Variants in DPP10 observed in about 807,000 individuals in gnomAD.
The protein encoded by DPP10 is dipeptidyl peptidase like 10.
Under a neutral mutation model 120.9 loss-of-function variants are expected in DPP10, and 33 were observed. The ratio of observed to expected loss-of-function variants is 0.27; its 90% confidence interval spans 0.21 to 0.37. The LOEUF is 0.37. Among genes scored for constraint, DPP10 ranks in the 10% least tolerant of loss-of-function variants. DPP10 has a pLI of 1.00. For synonymous variants in DPP10, 337 were observed against 326.1 expected, an observed-to-expected ratio of 1.03 and a Z score of -0.36; for missense variants, 816 against 942.8, an observed-to-expected ratio of 0.87 and a Z score of 1.76.
At chr2:114,447,121 C>T (rs1300886876) in intron 1 of DPP10, among the ~76,000 whole-genome samples, 5 of 151,246 alleles carry the variant, frequency 3.3e-5, no homozygotes, top group African/African-American at 1.2e-4. Flanking sequence ...CTCAGCCTCC[C>T]GAGTAGCTGG....
At chr2:115,575,543 C>T (rs1443105186) in intron 5 of DPP10, among the ~76,000 whole-genome samples, 1 of 152,154 alleles carries the variant, frequency 6.6e-6, no homozygotes, top group Admixed American at 6.5e-5. Context: ...TCAGGAGGTG[C>T]TAGCTCTGGC....
chr2:114,661,110 T>C (rs1194932831), intron 1 of DPP10, among the ~76,000 whole-genome samples: 2 of 152,122 alleles, frequency 1.3e-5, no homozygotes, highest in African/African-American at 4.8e-5. Context: ...CTGCCCCAAA[T>C]GATATATGCT....
intron 1 of DPP10, among the ~76,000 whole-genome samples, chr2:114,767,383 C>T (rs886403605): frequency 6.7e-6 from 1 of 149,832 alleles, no homozygotes; most frequent in Non-Finnish European, 1.5e-5. Context: ...CTAACATAGA[C>T]CTAATTGATG....
At chr2:115,186,770 G>A (rs1559205979) in intron 1 of DPP10, among the ~76,000 whole-genome samples, 1 of 152,148 alleles carries the variant, frequency 6.6e-6, no homozygotes, top group Non-Finnish European at 1.5e-5. Flanking sequence ...GTCCTTGTAG[G>A]ATATTCACAG....
intron 1 of DPP10, among the ~76,000 whole-genome samples, chr2:115,261,118 C>T (rs1443836878): frequency 1.3e-5 from 2 of 152,074 alleles, no homozygotes; most frequent in East Asian, 1.9e-4. Context: ...GTCTCTGTGG[C>T]TGAAGAAAAA....
chr2:114,752,614 C>A (rs1488838361), intron 1 of DPP10, among the ~76,000 whole-genome samples: 1 of 152,186 alleles, frequency 6.6e-6, no homozygotes, highest in Non-Finnish European at 1.5e-5. Context: ...GAGCTTCTCA[C>A]TGTGCTCACA....
At chr2:115,752,291 A>G (rs960762130) in intron 10 of DPP10, among the ~76,000 whole-genome samples, 5 of 152,114 alleles carry the variant, frequency 3.3e-5, no homozygotes, top group Admixed American at 1.3e-4. Context: ...TTAAGTTTTT[A>G]TCATAAATGG....
At chr2:114,842,595 T>C (rs1574322885) in intron 1 of DPP10, among the ~76,000 whole-genome samples, 1 of 152,232 alleles carries the variant, frequency 6.6e-6, no homozygotes, top group East Asian at 1.9e-4. Flanking sequence ...GAATAATGTG[T>C]TTTCTCCAGT....
chr2:115,474,527 G>T (rs530859517), intron 3 of DPP10, among the ~76,000 whole-genome samples: 2 of 152,192 alleles, frequency 1.3e-5, no homozygotes, highest in African/African-American at 4.8e-5. Context: ...TGGATCTTTG[G>T]AACTTTGAAC....
At chr2:114,465,439 T>A (rs1679281682) in intron 1 of DPP10, among the ~76,000 whole-genome samples, 1 of 152,170 alleles carries the variant, frequency 6.6e-6, no homozygotes, top group Non-Finnish European at 1.5e-5. Flanking sequence ...TTCTATTCCA[T>A]CTACACTGAA....
chr2:114,976,176 T>G (rs1699745342), intron 1 of DPP10, among the ~76,000 whole-genome samples: 1 of 152,212 alleles, frequency 6.6e-6, no homozygotes, highest in Admixed American at 6.5e-5. Flanking sequence ...ACATATTTCA[T>G]TTTTACAGCA....
At chr2:115,197,158 C>T (rs1431195882) in intron 1 of DPP10, among the ~76,000 whole-genome samples, 1 of 151,988 alleles carries the variant, frequency 6.6e-6, no homozygotes, top group African/African-American at 2.4e-5. Context: ...CTTTGGGAGG[C>T]CGAGGAGGGC....
intron 21 of DPP10, among the ~76,000 whole-genome samples, chr2:115,818,199 CT>C (rs1174279139): frequency 2.6e-5 from 4 of 152,092 alleles, no homozygotes; most frequent in African/African-American, 7.2e-5. Context: ...GAATTTTTGT[CT>C]AGTTTCATAT....
chr2:115,381,751 T>G (rs1341447086), intron 3 of DPP10, among the ~76,000 whole-genome samples: 1 of 152,100 alleles, frequency 6.6e-6, no homozygotes, highest in East Asian at 1.9e-4. Context: ...TCCTTTCTGT[T>G]TGTTAGTTTT....
intron 1 of DPP10, among the ~76,000 whole-genome samples, chr2:114,646,739 A>G (rs904656170): frequency 4.6e-5 from 7 of 152,132 alleles, no homozygotes; most frequent in Non-Finnish European, 1.0e-4. Context: ...GCATCTTTGA[A>G]TGAGTCTGGT....
At chr2:114,967,354 G>A (rs1188066907) in intron 1 of DPP10, among the ~76,000 whole-genome samples, 1 of 152,194 alleles carries the variant, frequency 6.6e-6, no homozygotes, top group Non-Finnish European at 1.5e-5. Flanking sequence ...AGGAAGGCCA[G>A]CAGAGTTTGT....
chr2:115,629,661 T>C (rs1575386452), intron 5 of DPP10, among the ~76,000 whole-genome samples: 1 of 152,174 alleles, frequency 6.6e-6, no homozygotes, highest in Non-Finnish European at 1.5e-5. Context: ...AAATAGGGAA[T>C]CCTTTCCTCA....
chr2:114,898,504 C>G (rs990783786), intron 1 of DPP10, among the ~76,000 whole-genome samples: 3 of 146,770 alleles, frequency 2.0e-5, no homozygotes, highest in African/African-American at 7.5e-5. Context: ...ATAATAATAA[C>G]AAAATAAAAA....
chr2:114,839,282 C>A (rs1687974200), intron 1 of DPP10, among the ~76,000 whole-genome samples: 1 of 152,110 alleles, frequency 6.6e-6, no homozygotes, highest in Admixed American at 6.6e-5. Flanking sequence ...TTCCCTGTGA[C>A]CTTAGAGAGT....
Sources: allele counts gnomAD v4.1 joint callset (sites outside exome capture counted in the v4.1 genomes callset), GRCh38; gene constraint gnomAD v4.1.1; transcripts MANE v1.5; gene names NCBI Gene and HGNC (gene_info 2026-07-23, HGNC 2026-07-21).